BCAT1: variants seen among roughly 807,000 people sequenced by gnomAD.
BCAT1 encodes branched-chain-amino-acid aminotransferase, cytosolic.
A neutral mutation model predicts 52.4 loss-of-function variants in BCAT1; 48 were observed. The observed-to-expected ratio is 0.92, with a 90% CI of 0.73 to 1.16. BCAT1 has a LOEUF of 1.16. Among genes scored for constraint, BCAT1 ranks in the 50% most tolerant of loss-of-function variants. The pLI is 0.00. For synonymous variants in BCAT1, 167 were observed against 161.3 expected, an observed-to-expected ratio of 1.04 and a Z score of -0.27; for missense variants, 451 against 457.1, an observed-to-expected ratio of 0.99 and a Z score of 0.12.
intron 5 of BCAT1, among the ~76,000 whole-genome samples, chr12:24,876,631 T>A (rs1396281640): frequency 2.6e-5 from 4 of 152,206 alleles, no homozygotes; most frequent in Non-Finnish European, 5.9e-5. Flanking sequence ...AAGGTAGTGC[T>A]TTGAGATCAG....
At chr12:24,829,698 T>C (rs922438774) in intron 10 of BCAT1, 125 bp downstream of exon 10, 4 of 788,806 alleles carry the variant, frequency 5.1e-6, no homozygotes, top group Non-Finnish European at 7.7e-6. Flanking sequence ...AACTTATTGA[T>C]CTCAAATTGT....
intron 5 of BCAT1, among the ~76,000 whole-genome samples, chr12:24,869,239 AG>A (rs1304764250): frequency 2.6e-5 from 4 of 152,184 alleles, no homozygotes; most frequent in Non-Finnish European, 5.9e-5. Flanking sequence ...GAGACAGCCA[AG>A]TGGGAAGAAG....
chr12:24,873,868 A>G (rs1302734259), intron 5 of BCAT1, among the ~76,000 whole-genome samples: 1 of 152,246 alleles, frequency 6.6e-6, no homozygotes, highest in Non-Finnish European at 1.5e-5. Flanking sequence ...CACTGGTTAT[A>G]TATGAACAGT....
chr12:24,932,851 G>T (rs368658767), intron 1 of BCAT1, among the ~76,000 whole-genome samples: 9 of 151,978 alleles, frequency 5.9e-5, no homozygotes, highest in African/African-American at 2.2e-4. Flanking sequence ...TCGCTCCGTC[G>T]CCCAGGCTGG....
intron 8 of BCAT1, chr12:24,834,491 C>T: frequency 3.1e-6 from 3 of 978,452 alleles, no homozygotes; most frequent in Non-Finnish European, 3.6e-6. Context: ...AGTTTGTCAA[C>T]AAGTTATTTG....
intron 2 of BCAT1, among the ~76,000 whole-genome samples, chr12:24,898,297 A>G (rs981018167): frequency 1.3e-5 from 2 of 151,866 alleles, no homozygotes; most frequent in African/African-American, 4.8e-5. Flanking sequence ...CATCGAAGTC[A>G]GGATGTTTCA....
intron 5 of BCAT1, among the ~76,000 whole-genome samples, chr12:24,877,145 G>A (rs1261650048): frequency 1.3e-5 from 2 of 152,118 alleles, no homozygotes; most frequent in Admixed American, 6.5e-5. Flanking sequence ...TTTATTCCAT[G>A]GCCCTATATA....
intron 1 of BCAT1, chr12:24,903,008 G>A (rs1270307675): frequency 6.9e-6 from 10 of 1,443,184 alleles, no homozygotes; most frequent in South Asian, 2.7e-5. Flanking sequence ...GCGGGGACGC[G>A]GGGCTGCAGA....
At chr12:24,910,214 A>C (rs1161598037) in intron 1 of BCAT1, among the ~76,000 whole-genome samples, 1 of 152,002 alleles carries the variant, frequency 6.6e-6, no homozygotes, top group Non-Finnish European at 1.5e-5. Context: ...TCTCTACTAA[A>C]AATAAAGGAA....
At chr12:24,859,089 A>C (rs981730345) in intron 5 of BCAT1, among the ~76,000 whole-genome samples, 4 of 152,212 alleles carry the variant, frequency 2.6e-5, no homozygotes, top group African/African-American at 9.6e-5. Context: ...GTTTATGAGA[A>C]TCTTATCTCA....
At chr12:24,904,379 T>C (rs1324708568) in intron 1 of BCAT1, 2 of 152,396 alleles carry the variant, frequency 1.3e-5, no homozygotes, top group Non-Finnish European at 2.9e-5. Context: ...ATTTTTGTAT[T>C]TTTTGTAGAG....
intron 4 of BCAT1, 129 bp downstream of exon 4, chr12:24,881,172 A>G (rs545821784): frequency 2.5e-5 from 17 of 687,878 alleles, no homozygotes; most frequent in South Asian, 2.0e-4. Flanking sequence ...GTAGATCAGA[A>G]ATAATGTTAA....
At position 24,855,352 on chromosome 12, in the gene BCAT1, A is replaced by C. The variant is rs143091893; in HGVS notation, c.511-5403T>G. Among the ~76,000 whole-genome samples the C allele has an allele frequency of 9.2e-3, 1,388 of 150,546 alleles. 21 individuals are homozygous for C. Among genetic ancestry groups the C allele is most frequent in the African/African-American group, 0.032 (1,314 of 41,102 alleles). ...AAAAAAAAAAGAAAAGGAATTGAGG[A>C]CTGAATTATCACCATTCTTTGTTTT... On this transcript the variant is annotated intron_variant, in intron 5 of 10. Coordinates refer to ENST00000261192, the MANE Select transcript of BCAT1 (RefSeq NM_005504.7).
rs546563777 is a variant in BCAT1, at chr12:24,900,167, C to T, written c.78+1647G>A. On this transcript the variant is annotated intron_variant, in intron 2 of 10. Coordinates refer to ENST00000261192, the MANE Select transcript of BCAT1 (RefSeq NM_005504.7). ...TTATCAATATCATTTTTACACATGC[C>T]TTATTACATATGTGCTGTGAATACA... Among the ~76,000 whole-genome samples, 17 of 152,200 alleles carry T rather than the reference C, an allele frequency of 1.1e-4. No individual in the cohort carries two copies. The East Asian group carries it at 2.1e-3, about 19-fold the overall frequency.
intron 3 of BCAT1, among the ~76,000 whole-genome samples, chr12:24,890,363 G>A (rs896878685): frequency 1.3e-5 from 2 of 152,156 alleles, no homozygotes; most frequent in Non-Finnish European, 2.9e-5. Context: ...AAATAAGGCT[G>A]AAACCTACTG....
chr12:24,900,792 G>A (rs535427372), intron 2 of BCAT1, among the ~76,000 whole-genome samples: 2 of 152,102 alleles, frequency 1.3e-5, no homozygotes, highest in Non-Finnish European at 1.5e-5. Flanking sequence ...TTAGCTGGGC[G>A]TGATGGCACA....
chr12:24,835,155 C>A (rs1365835774), intron 8 of BCAT1, among the ~76,000 whole-genome samples: 1 of 152,156 alleles, frequency 6.6e-6, no homozygotes, highest in Admixed American at 6.5e-5. Context: ...TTTCCAATTG[C>A]AAACATATTT....
intron 6 of BCAT1, among the ~76,000 whole-genome samples, chr12:24,843,422 G>A (rs994328173): frequency 1.3e-5 from 2 of 152,136 alleles, no homozygotes; most frequent in African/African-American, 2.4e-5. Context: ...GGCCAACATG[G>A]TGAAACCATG....
chr12:24,861,503 G>C (rs56231395), intron 5 of BCAT1, among the ~76,000 whole-genome samples: 6,488 of 152,170 alleles, frequency 0.043, 447 homozygotes, highest in African/African-American at 0.15. Flanking sequence ...TGAGAACTCG[G>C]GAGTTAGGAA....
Sources: allele counts gnomAD v4.1 joint callset (sites outside exome capture counted in the v4.1 genomes callset), GRCh38; gene constraint gnomAD v4.1.1; transcripts MANE v1.5; gene names NCBI Gene and HGNC (gene_info 2026-07-23, HGNC 2026-07-21).